The following ATP8B4 variants were observed in gnomAD, a reference collection of about 807,000 sequenced individuals.
ATP8B4 encodes probable phospholipid-transporting ATPase IM.
ATP8B4 carries 133 observed loss-of-function variants against 145.6 expected under a neutral mutation model. That is an observed-to-expected ratio of 0.91 (90% CI 0.79 to 1.05). The LOEUF (loss-of-function observed/expected upper bound fraction) is 1.05, where lower values mean the gene tolerates loss of function less well. ATP8B4 is among the 50% of genes least tolerant of loss of function. ATP8B4 has a pLI of 0.00. For missense variants in ATP8B4, 1,458 were observed against 1,425.2 expected (o/e 1.02, Z -0.37); for synonymous variants, 507 against 492.9 (o/e 1.03, Z -0.38).
At chr15:49,920,666 G>T (rs1241936283) in intron 17 of ATP8B4, among the ~76,000 whole-genome samples, 1 of 152,196 alleles carries the variant, frequency 6.6e-6, no homozygotes, top group African/African-American at 2.4e-5. Flanking sequence ...AAAGCCTGCT[G>T]AAGTGTCCTA....
chr15:49,999,176 C>T (rs1232824778), intron 8 of ATP8B4, among the ~76,000 whole-genome samples: 1 of 151,980 alleles, frequency 6.6e-6, no homozygotes, highest in African/African-American at 2.4e-5. Context: ...AAATGTGGCA[C>T]ATATACACCA....
intron 1 of ATP8B4, among the ~76,000 whole-genome samples, chr15:50,172,994 G>GC (rs2044706121): frequency 1.3e-5 from 2 of 148,778 alleles, no homozygotes; most frequent in Non-Finnish European, 1.5e-5. Flanking sequence ...CCGGCCAGCC[G>GC]CCCCGTCCGG....
intron 6 of ATP8B4, among the ~76,000 whole-genome samples, chr15:50,011,943 T>G (rs1413506551): frequency 6.6e-6 from 1 of 152,198 alleles, no homozygotes; most frequent in Admixed American, 6.6e-5. Context: ...AAAATAGTTT[T>G]AAATATTTAT....
intron 2 of ATP8B4, among the ~76,000 whole-genome samples, chr15:50,105,693 C>T (rs985533116): frequency 3.3e-5 from 5 of 152,134 alleles, no homozygotes; most frequent in African/African-American, 1.2e-4. Context: ...GGCATGATTA[C>T]AGCGACTTAT....
At chr15:50,084,070 A>T (rs538196374) in intron 2 of ATP8B4, among the ~76,000 whole-genome samples, 1 of 152,334 alleles carries the variant, frequency 6.6e-6, no homozygotes, top group African/African-American at 2.4e-5. Context: ...AAGGGAGCTT[A>T]CGTAGCCATA....
At chr15:50,124,708 T>C (rs1183235462) in intron 1 of ATP8B4, among the ~76,000 whole-genome samples, 3 of 152,196 alleles carry the variant, frequency 2.0e-5, no homozygotes, top group Non-Finnish European at 4.4e-5. Flanking sequence ...CTCTCCTGAA[T>C]ATCCCTTTCA....
intron 23 of ATP8B4, among the ~76,000 whole-genome samples, chr15:49,881,445 A>G (rs1463301007): frequency 6.6e-6 from 1 of 152,226 alleles, no homozygotes; most frequent in Admixed American, 6.5e-5. Context: ...AAATTTAACA[A>G]TCAGCTCTTG....
chr15:49,920,357 A>C lies in ATP8B4; in HGVS notation c.1812T>G (p.Asp604Glu), dbSNP rs1206124437. The C allele has an allele frequency of 6.2e-7, 1 of 1,614,094 alleles. No individual in the cohort carries two copies. Among genetic ancestry groups the C allele is most frequent in the African/African-American group, 1.3e-5 (1 of 74,938 alleles). ...TATGCCACTCTTTAAAGTACTTGTC[A>C]TCCAGGTCTCTGTATGCGATGGCCA... ...RTLAIAYRDL[D>E]DKYFKEWHKM... Residue 604 changes from aspartate (D) to glutamate (E), a missense_variant, in exon 18 of 28, where the codon GAT (aspartate) becomes GAG (glutamate). Asp to Glu is a conservative substitution (Grantham distance 45, BLOSUM62 2). Coordinates refer to ENST00000284509, the MANE Select transcript of ATP8B4 (RefSeq NM_024837.4).
intron 25 of ATP8B4, among the ~76,000 whole-genome samples, chr15:49,872,706 T>C (rs1469599093): frequency 6.6e-6 from 1 of 152,020 alleles, no homozygotes; most frequent in African/African-American, 2.4e-5. Flanking sequence ...GTCAAGGTCA[T>C]GAAAGACAAG....
At chr15:49,972,830 C>T (rs746595444) in intron 12 of ATP8B4, 40 bp from the exon 13 acceptor site, 6 of 1,587,164 alleles carry the variant, frequency 3.8e-6, no homozygotes, top group East Asian at 2.2e-5. Context: ...AGAAATGCTC[C>T]ATTAATTTCA....
chr15:50,118,080 T>C (rs1299698775), intron 1 of ATP8B4, among the ~76,000 whole-genome samples: 1 of 152,194 alleles, frequency 6.6e-6, no homozygotes, highest in Non-Finnish European at 1.5e-5. Context: ...CAGGTTCTAG[T>C]ATTTGATAAC....
At chr15:50,076,682 C>T (rs2054199940) in intron 2 of ATP8B4, among the ~76,000 whole-genome samples, 1 of 152,098 alleles carries the variant, frequency 6.6e-6, no homozygotes, top group Non-Finnish European at 1.5e-5. Flanking sequence ...AGGAAGCCCA[C>T]TTTTGTTTCT....
intron 6 of ATP8B4, among the ~76,000 whole-genome samples, chr15:50,024,912 C>A (rs2049889131): frequency 2.0e-5 from 3 of 152,156 alleles, no homozygotes; most frequent in Admixed American, 1.3e-4. Context: ...GGCTTGGTAT[C>A]CGAGGACCTC....
At chr15:50,076,453 C>T (rs1008724593) in intron 2 of ATP8B4, among the ~76,000 whole-genome samples, 1 of 151,828 alleles carries the variant, frequency 6.6e-6, no homozygotes, top group African/African-American at 2.4e-5. Context: ...GATTACACCA[C>T]TGCACCCCAG....
rs569053005 is a variant in ATP8B4, at chr15:49,915,112, A to G, written c.2141+1822T>C. ...AGAAAATGTGGTGTATACACATACA[A>G]TGGAATACTATTCAACCATCAAAAA... is the stretch of plus-strand genomic sequence containing the variant. On this transcript the variant is annotated intron_variant, in intron 20 of 27. Transcript: ENST00000284509. Among the ~76,000 whole-genome samples the G allele has an allele frequency of 2.0e-5, 3 of 152,284 alleles. No homozygotes were observed. The South Asian group carries it at 6.2e-4, about 32-fold the overall frequency.
intron 11 of ATP8B4, 60 bp downstream of exon 11, chr15:49,981,146 G>T: frequency 7.4e-7 from 1 of 1,356,254 alleles, no homozygotes; most frequent in Non-Finnish European, 1.0e-6. Context: ...TTCCCAGCAA[G>T]ATTCAGTAAA....
In ATP8B4 at chr15:50,018,989, G is replaced by A. The variant is rs1454764993; in HGVS notation, c.363-8072C>T. On this transcript the variant is annotated intron_variant, in intron 6 of 27. Coordinates refer to ENST00000284509, the MANE Select transcript of ATP8B4 (RefSeq NM_024837.4). ...GTACCTTCAGCACCTTCATTATGAG[G>A]AGAAACAAAGTTCGAGTCAATGTAA... The A allele has an allele frequency of 1.3e-5, 15 of 1,161,178 alleles. No individual in the cohort carries two copies. In the South Asian group the frequency reaches 1.6e-4, roughly 12 times the overall value. 71.9% of individuals were successfully genotyped at this position (1,161,178 alleles called of 1,614,324 possible). A position where few individuals can be genotyped will look rare whatever the true frequency, so the allele number is the denominator to read the frequency against.
At position 49,898,247 on chromosome 15, in the gene ATP8B4, T is replaced by C. The variant is rs778755605; in HGVS notation, c.2294A>G (p.His765Arg). 1 of 1,609,210 alleles carries C rather than the reference T, an allele frequency of 6.2e-7. No homozygotes were observed. Reference protein sequence around the residue: ...ALIINGHSLAHALESDVKNDL... With the variant: ...ALIINGHSLARALESDVKNDL... ...ATTCTTGACATCACTTTCTAGGGCATGAGCCTGTATGATTAAAAATAAAAT... is the reference window on the plus strand; with the variant it reads ...ATTCTTGACATCACTTTCTAGGGCACGAGCCTGTATGATTAAAAATAAAAT... Residue 765 changes from histidine to arginine, a missense_variant, in exon 22 of 28, where the codon CAT becomes CGT. Physicochemically the swap from His to Arg is conservative, Grantham distance 29 (BLOSUM62 0). Coordinates refer to ENST00000284509, the MANE Select transcript of ATP8B4 (RefSeq NM_024837.4).
At chr15:50,092,370 T>C (rs1290125171) in intron 2 of ATP8B4, among the ~76,000 whole-genome samples, 3 of 152,054 alleles carry the variant, frequency 2.0e-5, no homozygotes, top group Non-Finnish European at 4.4e-5. Flanking sequence ...TTAGTGGTTA[T>C]GGCAGAAGAT....
Sources: gnomAD v4.1 joint callset for allele counts (sites outside exome capture counted in the v4.1 genomes callset) on GRCh38, gnomAD v4.1.1 for gene constraint, MANE v1.5 for transcripts, NCBI Gene and HGNC (gene_info 2026-07-23, HGNC 2026-07-21) for gene names.